Variants in AKR1D1 observed in about 807,000 individuals in gnomAD.
AKR1D1 encodes the protein aldo-keto reductase family 1 member D1, also known as delta(4)-3-ketosteroid 5-beta-reductase.
In AKR1D1, 32 loss-of-function variants were observed where a neutral mutation model predicts 42.6. That is an observed-to-expected ratio of 0.75 (90% confidence interval 0.57 to 1.01). The LOEUF (loss-of-function observed/expected upper bound fraction) is 1.01, where lower values mean the gene tolerates loss of function less well. Ranked by LOEUF, AKR1D1 falls within the 50% of genes least tolerant of loss-of-function variation. The pLI is 0.00. For synonymous variants in AKR1D1, 123 were observed against 135.5 expected, an observed-to-expected ratio of 0.91 and a Z score of 0.64; for missense variants, 364 against 402.2, an observed-to-expected ratio of 0.91 and a Z score of 0.81.
chr7:138,077,665 A>T (rs1802969257), intron 1 of AKR1D1, among the ~76,000 whole-genome samples: 1 of 152,236 alleles, frequency 6.6e-6, no homozygotes, highest in South Asian at 2.1e-4. Context: ...GCTGATTACG[A>T]GAATAAATAG....
At chr7:138,086,361 C>T (rs1175758455) in intron 1 of AKR1D1, among the ~76,000 whole-genome samples, 1 of 152,088 alleles carries the variant, frequency 6.6e-6, no homozygotes, top group Non-Finnish European at 1.5e-5. Context: ...TTTTTTCTGG[C>T]CTTTTGACTC....
At chr7:138,084,706 G>A (rs548711010) in intron 1 of AKR1D1, among the ~76,000 whole-genome samples, 1 of 151,736 alleles carries the variant, frequency 6.6e-6, no homozygotes, top group Non-Finnish European at 1.5e-5. Flanking sequence ...TTCAAAACTG[G>A]TTTTCCTAAA....
intron 7 of AKR1D1, among the ~76,000 whole-genome samples, chr7:138,111,519 C>G (rs543439485): frequency 1.3e-5 from 2 of 152,278 alleles, no homozygotes; most frequent in Non-Finnish European, 2.9e-5. Context: ...AACAATATCT[C>G]CTTCTTCAAA....
At chr7:138,111,217 C>T (rs1057399085) in intron 7 of AKR1D1, among the ~76,000 whole-genome samples, 1 of 152,200 alleles carries the variant, frequency 6.6e-6, no homozygotes, top group African/African-American at 2.4e-5. Context: ...CACCAACATT[C>T]ACATATGTAG....
At chr7:138,110,038 G>A (rs1271635474) in intron 7 of AKR1D1, among the ~76,000 whole-genome samples, 2 of 151,828 alleles carry the variant, frequency 1.3e-5, no homozygotes, top group Non-Finnish European at 2.9e-5. Context: ...AGAAAAAAAC[G>A]GATACAGATT....
intron 2 of AKR1D1, among the ~76,000 whole-genome samples, chr7:138,090,918 T>C (rs1794062318): frequency 6.6e-6 from 1 of 152,204 alleles, no homozygotes; most frequent in Non-Finnish European, 1.5e-5. Flanking sequence ...AAAGCAAATC[T>C]AAATCTATGC....
intron 4 of AKR1D1, among the ~76,000 whole-genome samples, chr7:138,098,931 G>A (rs184906026): frequency 4.2e-4 from 64 of 152,256 alleles, no homozygotes; most frequent in African/African-American, 1.5e-3. Flanking sequence ...TCAGGACTCA[G>A]TTGTAGAGCA....
chr7:138,107,991 T>G (rs917329641), intron 7 of AKR1D1, among the ~76,000 whole-genome samples: 2 of 152,130 alleles, frequency 1.3e-5, no homozygotes, highest in Admixed American at 6.6e-5. Context: ...GCCTCTTCCC[T>G]TATCTATTGA....
At chr7:138,111,009 G>A (rs77557097) in intron 7 of AKR1D1, among the ~76,000 whole-genome samples, 25 of 152,078 alleles carry the variant, frequency 1.6e-4, no homozygotes, top group African/African-American at 3.1e-4. Context: ...CACACCAGTC[G>A]TTCTCCACCC....
chr7:138,108,503 G>C (rs1176723517), intron 7 of AKR1D1, among the ~76,000 whole-genome samples: 1 of 152,142 alleles, frequency 6.6e-6, no homozygotes, highest in Non-Finnish European at 1.5e-5. Flanking sequence ...ACATTAATTT[G>C]TATGAGATAT....
At chr7:138,078,168 C>T (rs893775438) in intron 1 of AKR1D1, among the ~76,000 whole-genome samples, 8 of 152,032 alleles carry the variant, frequency 5.3e-5, no homozygotes, top group African/African-American at 1.9e-4. Context: ...CATCATATTG[C>T]CCAGGTTGGT....
At chr7:138,085,568 C>A (rs1803156516) in intron 1 of AKR1D1, among the ~76,000 whole-genome samples, 1 of 151,966 alleles carries the variant, frequency 6.6e-6, no homozygotes, top group East Asian at 1.9e-4. Flanking sequence ...CCTCAGCCTC[C>A]CAAGTAGCTG....
Position 138,088,854 on chromosome 7 carries a change from G to GTGTA in AKR1D1, c.261+87_261+90dup, listed in dbSNP as rs1585724458. ...TTATTCATCTTCCGTGTGTGTGTGT[G>GTGTA]TGTAATTGCACTCATGAGTAGGCAG... On this transcript the variant is annotated intron_variant, in intron 2 of 8. Coordinates refer to ENST00000242375, the MANE Select transcript of AKR1D1 (RefSeq NM_005989.4). 8 of 1,400,044 alleles carry GTGTA rather than the reference G, an allele frequency of 5.7e-6. No homozygotes were observed. In the East Asian group the frequency reaches 1.5e-4, roughly 26 times the overall value. The allele number at this position is 1,400,044 out of a possible 1,614,324, so 86.7% of individuals were successfully genotyped here.
intron 3 of AKR1D1, among the ~76,000 whole-genome samples, chr7:138,092,660 G>C (rs1364189114): frequency 6.6e-6 from 1 of 152,162 alleles, no homozygotes; most frequent in Non-Finnish European, 1.5e-5. Flanking sequence ...TTGCTCCTAG[G>C]CTATAAACCT....
At chr7:138,080,543 T>C (rs1403871568) in intron 1 of AKR1D1, among the ~76,000 whole-genome samples, 3 of 152,216 alleles carry the variant, frequency 2.0e-5, no homozygotes, top group Non-Finnish European at 4.4e-5. Flanking sequence ...ATAAGTATGT[T>C]CCATCCCATT....
At chr7:138,091,522 A>G (rs1794076258) in intron 2 of AKR1D1, among the ~76,000 whole-genome samples, 1 of 152,116 alleles carries the variant, frequency 6.6e-6, no homozygotes, top group East Asian at 1.9e-4. Context: ...TGTGAAATGA[A>G]ATGTGTGAAT....
chr7:138,116,809 G>A lies in AKR1D1; in HGVS notation c.*147G>A, dbSNP rs1794643850. ...GAAACATGTTTAATGTTTGTGCAGT[G>A]TAAATGACTTTGACTCAGTCACATT... On this transcript the variant is annotated 3_prime_UTR_variant, in exon 9 of 9. Transcript: ENST00000242375. 4.3e-6 allele frequency: 3 copies of A among 703,478 alleles called. No homozygotes were observed. The highest frequency in any genetic ancestry group is 2.8e-5 in the Admixed American group (1 of 35,896). 43.6% of individuals were successfully genotyped at this position (703,478 alleles called of 1,614,324 possible).
Position 138,076,525 on chromosome 7 carries a change from C to G in AKR1D1, c.7C>G (p.Leu3Val). MDLSAASHRIPLS... is the reference protein window; with the variant it reads MDVSAASHRIPLS... ...TACAGTCAGGTTCTCCACAATGGAT[C>G]TCAGTGCTGCAAGTCACCGCATACC... Residue 3 changes from leucine (L) to valine (V), a missense_variant, in exon 1 of 9, where the codon CTC becomes GTC. Leu to Val is a conservative substitution (Grantham distance 32, BLOSUM62 1). Transcript: ENST00000242375. The G allele has an allele frequency of 6.2e-7, 1 of 1,613,310 alleles. No individual in the cohort carries two copies. Among genetic ancestry groups the G allele is most frequent in the Non-Finnish European group, 8.5e-7 (1 of 1,179,496 alleles).
chr7:138,091,904 G>C lies in AKR1D1; in HGVS notation c.378+20G>C. On this transcript the variant is annotated intron_variant, in intron 3 of 8. Coordinates refer to ENST00000242375, the MANE Select transcript of AKR1D1 (RefSeq NM_005989.4). ...TTTAAGGTGAGTTCAGATGCCCAAA[G>C]GTCAGGTCTCTGCACCCTGGCAACC... 6.4e-7 allele frequency: 1 copy of C among 1,556,366 alleles called. No homozygotes were observed. The highest frequency in any genetic ancestry group is 8.9e-7 in the Non-Finnish European group (1 of 1,128,412).
Sources: gnomAD v4.1 joint callset for allele counts (sites outside exome capture counted in the v4.1 genomes callset) on GRCh38, gnomAD v4.1.1 for gene constraint, MANE v1.5 for transcripts, NCBI Gene and HGNC (gene_info 2026-07-23, HGNC 2026-07-21) for gene names.